Variants in LRP1B observed in about 807,000 individuals in gnomAD.
LRP1B encodes low-density lipoprotein receptor-related protein 1B.
Under a neutral mutation model 556.6 loss-of-function variants are expected in LRP1B, and 217 were observed. The ratio of observed to expected loss-of-function variants is 0.39; its 90% CI spans 0.35 to 0.44. LRP1B has a LOEUF of 0.44. Ranked by LOEUF, LRP1B falls within the 20% of genes least tolerant of loss-of-function variation. The probability of loss-of-function intolerance (pLI) is 1.00; values close to 1 mark genes in which losing one functional copy is unlikely to be tolerated. For missense variants in LRP1B, 5,053 were observed against 5,620.8 expected (o/e 0.90, Z 3.23); for synonymous variants, 2,047 against 1,865.8 (o/e 1.10, Z -2.50).
chr2:142,010,650 C>CA (rs1702933217), intron 1 of LRP1B, among the ~76,000 whole-genome samples: 1 of 151,902 alleles, frequency 6.6e-6, no homozygotes, highest in Admixed American at 6.6e-5. Flanking sequence ...TCGTGTCTCC[C>CA]AGCCACCCAC....
At chr2:140,805,413 T>C (rs956962011) in intron 32 of LRP1B, among the ~76,000 whole-genome samples, 5 of 152,194 alleles carry the variant, frequency 3.3e-5, no homozygotes, top group South Asian at 4.1e-4. Context: ...CAAGTGATTC[T>C]AAGATTTGAT....
chr2:140,668,309 C>CAAAAAAAA (rs560180473), intron 41 of LRP1B, among the ~76,000 whole-genome samples: 2 of 59,648 alleles, frequency 3.4e-5, no homozygotes, highest in Non-Finnish European at 5.6e-5. Flanking sequence ...GACTCCGTCT[C>CAAAAAAAA]AAAAAAAAAA....
intron 1 of LRP1B, among the ~76,000 whole-genome samples, chr2:141,899,075 T>C (rs1021377806): frequency 2.6e-5 from 4 of 152,134 alleles, no homozygotes; most frequent in Non-Finnish European, 4.4e-5. Flanking sequence ...CAAAAAGAAT[T>C]ACCTTCTCAA....
intron 41 of LRP1B, among the ~76,000 whole-genome samples, chr2:140,698,325 A>G (rs1340881697): frequency 6.6e-6 from 1 of 152,066 alleles, no homozygotes; most frequent in Non-Finnish European, 1.5e-5. Flanking sequence ...TATGTGGGTC[A>G]TGTCTATATC....
At chr2:140,469,146 G>A (rs1162677391) in intron 60 of LRP1B, among the ~76,000 whole-genome samples, 1 of 152,134 alleles carries the variant, frequency 6.6e-6, no homozygotes, top group Non-Finnish European at 1.5e-5. Context: ...GAATGTTGAT[G>A]TCCTTCCAAA....
intron 57 of LRP1B, among the ~76,000 whole-genome samples, chr2:140,488,094 G>C (rs967176820): frequency 1.3e-5 from 2 of 151,820 alleles, no homozygotes; most frequent in African/African-American, 4.8e-5. Flanking sequence ...TAAACTTTAT[G>C]TCATTATAGT....
chr2:141,498,931 G>A (rs1016595012), intron 2 of LRP1B, among the ~76,000 whole-genome samples: 2 of 152,034 alleles, frequency 1.3e-5, no homozygotes, highest in African/African-American at 4.8e-5. Context: ...CACCCAATCT[G>A]TTCCATCCAG....
chr2:141,041,834 A>T (rs1698710831), intron 11 of LRP1B, among the ~76,000 whole-genome samples: 3 of 152,100 alleles, frequency 2.0e-5, no homozygotes, highest in South Asian at 4.1e-4. Context: ...TGTATGTACA[A>T]ATATGACTTT....
chr2:140,641,769 T>A (rs1202324224), intron 41 of LRP1B, among the ~76,000 whole-genome samples: 1 of 152,206 alleles, frequency 6.6e-6, no homozygotes, highest in Non-Finnish European at 1.5e-5. Context: ...TATGACCATA[T>A]AGAGAATAAA....
At chr2:141,712,120 T>C (rs1473162153) in intron 2 of LRP1B, among the ~76,000 whole-genome samples, 1 of 152,122 alleles carries the variant, frequency 6.6e-6, no homozygotes, top group Non-Finnish European at 1.5e-5. Context: ...TGTATATAAA[T>C]AGTGTTTATT....
intron 6 of LRP1B, among the ~76,000 whole-genome samples, chr2:141,212,835 T>G (rs1397910723): frequency 6.6e-6 from 1 of 152,168 alleles, no homozygotes; most frequent in Admixed American, 6.5e-5. Context: ...AACTACAACT[T>G]TAAGCCAAAT....
At chr2:140,695,598 C>T (rs1424386295) in intron 41 of LRP1B, among the ~76,000 whole-genome samples, 1 of 152,114 alleles carries the variant, frequency 6.6e-6, no homozygotes, top group Non-Finnish European at 1.5e-5. Flanking sequence ...GTCTATCTTG[C>T]TTTTTGAGAT....
intron 55 of LRP1B, among the ~76,000 whole-genome samples, chr2:140,496,363 T>C (rs570835457): frequency 2.6e-5 from 4 of 152,152 alleles, no homozygotes; most frequent in Admixed American, 6.6e-5. Flanking sequence ...GGAGATCTTG[T>C]ACACACTGAA....
chr2:141,781,840 A>C (rs1327152569), intron 2 of LRP1B, among the ~76,000 whole-genome samples: 4 of 148,074 alleles, frequency 2.7e-5, no homozygotes, highest in African/African-American at 9.7e-5. Context: ...CAGTGGGATC[A>C]TGAGAACAAA....
chr2:142,108,029 C>T (rs997539822), intron 1 of LRP1B, among the ~76,000 whole-genome samples: 3 of 150,604 alleles, frequency 2.0e-5, no homozygotes, highest in Admixed American at 1.3e-4. Flanking sequence ...CTTCATTCTG[C>T]TATTATAATT....
intron 32 of LRP1B, among the ~76,000 whole-genome samples, chr2:140,801,120 T>C (rs1323986537): frequency 6.6e-6 from 1 of 152,190 alleles, no homozygotes; most frequent in East Asian, 1.9e-4. Context: ...AAATATAAAG[T>C]GTCTTGCTGT....
At chr2:141,094,026 T>C (rs1700235930) in intron 7 of LRP1B, among the ~76,000 whole-genome samples, 1 of 152,124 alleles carries the variant, frequency 6.6e-6, no homozygotes. Context: ...CAATTTATTA[T>C]TAATATTTCA....
intron 2 of LRP1B, among the ~76,000 whole-genome samples, chr2:141,784,189 A>T (rs571573019): frequency 1.3e-5 from 2 of 152,028 alleles, no homozygotes; most frequent in Non-Finnish European, 2.9e-5. Context: ...AACTAATTTT[A>T]TCTGCTACCT....
chr2:141,181,621 T>A (rs550354572), intron 7 of LRP1B, among the ~76,000 whole-genome samples: 1 of 151,948 alleles, frequency 6.6e-6, no homozygotes, highest in Non-Finnish European at 1.5e-5. Flanking sequence ...GTTGACTTTA[T>A]GAATAATATG....
Sources: gnomAD v4.1 joint callset for allele counts (sites outside exome capture counted in the v4.1 genomes callset) on GRCh38, gnomAD v4.1.1 for gene constraint, MANE v1.5 for transcripts, NCBI Gene and HGNC (gene_info 2026-07-23, HGNC 2026-07-21) for gene names.